SIAE: variants seen among roughly 807,000 people sequenced by gnomAD.
The protein encoded by SIAE is sialate O-acetylesterase.
A neutral mutation model predicts 52.6 loss-of-function variants in SIAE; 39 were observed. The ratio of observed to expected loss-of-function variants is 0.74; its 90% CI spans 0.57 to 0.97. The LOEUF is 0.97. Ranked by LOEUF, SIAE falls within the 50% of genes least tolerant of loss-of-function variation. The pLI, the probability that SIAE is intolerant of heterozygous loss-of-function variation, is 0.00. For missense variants in SIAE, 592 were observed against 662.1 expected (o/e 0.89, Z 1.16); for synonymous variants, 233 against 241.4 (o/e 0.97, Z 0.32).
chr11:124,646,725 A>T (rs1328331670), intron 7 of SIAE, among the ~76,000 whole-genome samples: 1 of 152,244 alleles, frequency 6.6e-6, no homozygotes, highest in Non-Finnish European at 1.5e-5. Flanking sequence ...CATTTCTGGG[A>T]ATTTACCTTA....
intron 2 of SIAE, among the ~76,000 whole-genome samples, chr11:124,668,940 C>A (rs1299170792): frequency 6.6e-6 from 1 of 152,092 alleles, no homozygotes; most frequent in Non-Finnish European, 1.5e-5. Context: ...CAAGGACTAC[C>A]AGAGTTCTTA....
chr11:124,675,565 A>C, upstream of SIAE: 1 of 763,216 alleles, frequency 1.3e-6, no homozygotes, highest in Non-Finnish European at 2.1e-6. Flanking sequence ...TTGAAACAGT[A>C]TGTACCTCTT....
intron 2 of SIAE, among the ~76,000 whole-genome samples, 160 bp downstream of exon 2, chr11:124,669,200 C>T (rs975192387): frequency 3.3e-5 from 5 of 152,194 alleles, no homozygotes; most frequent in African/African-American, 1.2e-4. Context: ...TCCTCAGTGC[C>T]TAAGCACATG....
At position 124,633,599 on chromosome 11, in the gene SIAE, C is replaced by G. The variant is rs12417577; in HGVS notation, c.*3352G>C. ...GCAGCAGTGTTTAGAGCACACCACA[C>G]TGGCCACTGTAAACTGAGAAGCTAA... On this transcript the variant is annotated 3_prime_UTR_variant, in exon 10 of 10. Coordinates refer to ENST00000263593, the MANE Select transcript of SIAE (RefSeq NM_170601.5). 1.3e-5 allele frequency: 2 copies of G among 152,238 alleles called. No homozygotes were observed. The highest frequency in any genetic ancestry group is 1.3e-4 in the Admixed American group (2 of 15,280). The allele number at this position is 152,238 out of a possible 1,614,324, so 9.4% of individuals were successfully genotyped here.
rs1942717193 is a variant in SIAE at position 124,635,720 on chromosome 11, C to T, written c.*1231G>A. 6.6e-6 allele frequency: 1 copy of T among 152,148 alleles called. No homozygotes were observed. The highest frequency in any genetic ancestry group is 2.4e-5 in the African/African-American group (1 of 41,412). 9.4% of individuals were successfully genotyped at this position (152,148 alleles called of 1,614,324 possible). On this transcript the variant is annotated 3_prime_UTR_variant, in exon 10 of 10. Coordinates refer to ENST00000263593, the MANE Select transcript of SIAE (RefSeq NM_170601.5). ...TTTCACATTAAGGGGAGGAAAGCTA[C>T]CCATAGATAGTATTCTTACTCCTTT...
chr11:124,651,704 C>T (rs971283334), intron 4 of SIAE, among the ~76,000 whole-genome samples: 1 of 152,218 alleles, frequency 6.6e-6, no homozygotes, highest in Non-Finnish European at 1.5e-5. Flanking sequence ...GACCTCCCCG[C>T]CCCGCACCGT....
intron 4 of SIAE, among the ~76,000 whole-genome samples, chr11:124,650,012 C>T (rs903365370): frequency 2.0e-5 from 3 of 152,184 alleles, no homozygotes; most frequent in Non-Finnish European, 2.9e-5. Context: ...TCCAAACCTT[C>T]CCTAAGGAGA....
intron 3 of SIAE, chr11:124,659,885 C>T (rs1316515577): frequency 1.3e-5 from 2 of 152,128 alleles, no homozygotes; most frequent in Non-Finnish European, 2.9e-5. Flanking sequence ...ATAGAGTATA[C>T]AAACATATTG....
chr11:124,661,052 C>T (rs1168542191), intron 2 of SIAE, among the ~76,000 whole-genome samples: 2 of 152,000 alleles, frequency 1.3e-5, no homozygotes, highest in Non-Finnish European at 2.9e-5. Context: ...CAGTTATAAT[C>T]CTAAATGAGG....
At chr11:124,671,566 A>C (rs1051169088) in intron 1 of SIAE, among the ~76,000 whole-genome samples, 4 of 152,192 alleles carry the variant, frequency 2.6e-5, no homozygotes, top group African/African-American at 4.8e-5. Flanking sequence ...CCGAAATTAG[A>C]TACTTGTGGC....
chr11:124,656,872 A>C lies in SIAE; in HGVS notation c.406-2079T>G, dbSNP rs115616491. Among the ~76,000 whole-genome samples, 532 of 152,296 alleles carry C rather than the reference A, an allele frequency of 3.5e-3. 5 individuals are homozygous for C. The highest frequency in any genetic ancestry group is 0.012 in the African/African-American group (501 of 41,548). On this transcript the variant is annotated intron_variant, in intron 3 of 9. Transcript: ENST00000263593. ...CTGCCACAGCAGTGAGAGGCACAGG[A>C]GGCCGGGTACGTTCCATTGGCCGCT...
intron 4 of SIAE, 129 bp from the exon 5 acceptor site, chr11:124,649,925 A>G (rs1942994070): frequency 2.4e-6 from 2 of 839,514 alleles, no homozygotes; most frequent in Admixed American, 4.1e-5. Context: ...AAGACTTTCA[A>G]AAGTAGGATA....
At chr11:124,656,000 C>T (rs1171937902) in intron 3 of SIAE, among the ~76,000 whole-genome samples, 1 of 152,020 alleles carries the variant, frequency 6.6e-6, no homozygotes, top group African/African-American at 2.4e-5. Context: ...GTTTCATGCA[C>T]AAAATTATTT....
chr11:124,663,267 A>G (rs1343200452), intron 2 of SIAE, among the ~76,000 whole-genome samples: 1 of 152,094 alleles, frequency 6.6e-6, no homozygotes, highest in Non-Finnish European at 1.5e-5. Flanking sequence ...ACCAACTCAG[A>G]GACAGTTCAT....
Position 124,669,487 on chromosome 11 carries a change from A to G in SIAE, c.102T>C (p.Asn34=). The change falls in exon 2 of 10, where the codon AAT becomes AAC. Residue 34 remains asparagine, a synonymous_variant. Coordinates refer to ENST00000263593, the MANE Select transcript of SIAE (RefSeq NM_170601.5). ...IGFRFASYIN[N]DMVLQKEPAG... is the part of the protein sequence containing the mutation. Reference sequence around the variant, plus strand: ...CAGGCTCCTTCTGCAGCACCATATCATTATTGATGTATGAAGCAAAGCGAA... The same window carrying G: ...CAGGCTCCTTCTGCAGCACCATATCGTTATTGATGTATGAAGCAAAGCGAA... 6.2e-7 allele frequency: 1 copy of G among 1,614,174 alleles called. No homozygotes were observed. The highest frequency in any genetic ancestry group is 2.2e-5 in the East Asian group (1 of 44,886).
chr11:124,671,343 A>G (rs1943351720), intron 1 of SIAE, among the ~76,000 whole-genome samples: 2 of 152,276 alleles, frequency 1.3e-5, no homozygotes, highest in South Asian at 4.1e-4. Context: ...TACTATTTTA[A>G]GCATTGGGGA....
At chr11:124,675,155 CAG>C, upstream of SIAE, 5 of 1,360,112 alleles carry the variant, frequency 3.7e-6, no homozygotes, top group Non-Finnish European at 5.0e-6. Context: ...GTATGAGTCT[CAG>C]AAATAATTTG....
In SIAE at chr11:124,648,117, T is replaced by C; in HGVS notation, c.781A>G (p.Met261Val). Residue 261 changes from methionine to valine, a missense_variant, in exon 6 of 10, where the codon ATG becomes GTG. Transcript: ENST00000263593. ...GTCATATTGCACAGTGGATGGATCA[T>C]GGCATTCCAGAGAACAGAGTGCTTA... is the stretch of plus-strand genomic sequence containing the variant. ...PSKHSVLWNAMIHPLCNMTLK... is the reference protein window; with the variant it reads ...PSKHSVLWNAVIHPLCNMTLK... 10 of 1,614,148 alleles carry C rather than the reference T, an allele frequency of 6.2e-6. No individual in the cohort carries two copies. Among genetic ancestry groups the C allele is most frequent in the East Asian group, 2.2e-5 (1 of 44,880 alleles).
chr11:124,649,677 G>A lies in SIAE; in HGVS notation c.664C>T (p.Pro222Ser), dbSNP rs1441557749. 6.2e-7 allele frequency: 1 copy of A among 1,614,076 alleles called. No individual in the cohort carries two copies. Among genetic ancestry groups the A allele is most frequent in the African/African-American group, 1.3e-5 (1 of 74,926 alleles). ...CGTCCAGATGACCAGGCTTCAATGGGTGTCCCGCCCCAGCTGGAGGCGATC... is the reference window on the plus strand; with the variant it reads ...CGTCCAGATGACCAGGCTTCAATGGATGTCCCGCCCCAGCTGGAGGCGATC... ...GLIASSWGGT[P>S]IEAWSSGRSL... The change falls in exon 5 of 10, where the codon CCC becomes TCC. Residue 222 changes from proline to serine, a missense_variant. Physicochemically the swap from Pro to Ser is moderately conservative, Grantham distance 74. Coordinates refer to ENST00000263593, the MANE Select transcript of SIAE (RefSeq NM_170601.5).
Sources: allele counts gnomAD v4.1 joint callset (sites outside exome capture counted in the v4.1 genomes callset), GRCh38; gene constraint gnomAD v4.1.1; transcripts MANE v1.5; gene names NCBI Gene and HGNC (gene_info 2026-07-23, HGNC 2026-07-21).